Variants in GLI3 observed in about 807,000 individuals in gnomAD.
GLI3 encodes transcription activator GLI3.
GLI3 carries 20 observed loss-of-function variants against 100.8 expected under a neutral mutation model. That is an observed-to-expected ratio of 0.20 (90% CI 0.14 to 0.29). GLI3 has a LOEUF of 0.29. Ranked by LOEUF, GLI3 falls within the 10% of genes least tolerant of loss-of-function variation. GLI3 has a pLI of 1.00. For synonymous variants in GLI3, 938 were observed against 860.5 expected, an observed-to-expected ratio of 1.09 and a Z score of -1.58; for missense variants, 2,040 against 2,128.5, an observed-to-expected ratio of 0.96 and a Z score of 0.82.
intron 13 of GLI3, among the ~76,000 whole-genome samples, chr7:41,970,750 A>C (rs1787342223): frequency 6.6e-6 from 1 of 152,208 alleles, no homozygotes; most frequent in South Asian, 2.1e-4. Context: ...GGGTTCTTGG[A>C]ATATCCCAAG....
intron 7 of GLI3, among the ~76,000 whole-genome samples, chr7:42,037,721 T>C (rs1164688196): frequency 6.6e-6 from 1 of 152,210 alleles, no homozygotes; most frequent in African/African-American, 2.4e-5. Context: ...GACTGGTCTT[T>C]AAGTGAATCT....
At chr7:42,164,283 G>A (rs1328030662) in intron 2 of GLI3, among the ~76,000 whole-genome samples, 3 of 152,192 alleles carry the variant, frequency 2.0e-5, no homozygotes, top group Non-Finnish European at 2.9e-5. Context: ...CACTTTGGGA[G>A]GCTGGAGTGG....
upstream of GLI3, among the ~76,000 whole-genome samples, chr7:42,264,120 A>G (rs1789174368): frequency 6.6e-6 from 1 of 152,176 alleles, no homozygotes; most frequent in East Asian, 1.9e-4. Context: ...AATGTCCAAA[A>G]GCACGAAGGG....
At chr7:42,089,983 T>C (rs1198881284) in intron 3 of GLI3, among the ~76,000 whole-genome samples, 5 of 152,222 alleles carry the variant, frequency 3.3e-5, no homozygotes, top group Non-Finnish European at 5.9e-5. Context: ...ACGCCCATGC[T>C]GTATGGTATA....
In GLI3 at chr7:42,029,131, G is replaced by A. The variant is rs117652764; in HGVS notation, c.1029-2719C>T. Among the ~76,000 whole-genome samples, 934 of 152,214 alleles carry A rather than the reference G, an allele frequency of 6.1e-3. 3 individuals are homozygous for A. The highest frequency in any genetic ancestry group is 0.01 in the Middle Eastern group (3 of 294). ...CAACAGAAACATTCTCCTCCTCCTC[G>A]TGCACAGACCTGGGCCAGGGCAGGG... On this transcript the variant is annotated intron_variant, in intron 7 of 14. Coordinates refer to ENST00000395925, the MANE Select transcript of GLI3 (RefSeq NM_000168.6).
chr7:42,095,120 G>A (rs919084739), intron 3 of GLI3, among the ~76,000 whole-genome samples: 3 of 152,200 alleles, frequency 2.0e-5, no homozygotes, highest in Non-Finnish European at 4.4e-5. Flanking sequence ...GCAGCTCAGT[G>A]TTGCTTTCCA....
intron 5 of GLI3, among the ~76,000 whole-genome samples, chr7:42,047,788 C>T (rs983830563): frequency 6.6e-6 from 1 of 152,154 alleles, no homozygotes. Flanking sequence ...GTACATACTT[C>T]TTCGGATTTT....
At chr7:42,052,077 T>G (rs1407891293) in intron 4 of GLI3, among the ~76,000 whole-genome samples, 2 of 152,228 alleles carry the variant, frequency 1.3e-5, no homozygotes, top group Admixed American at 1.3e-4. Flanking sequence ...TCAGGCAGTA[T>G]GTAGACTTTC....
chr7:42,079,027 C>T lies in GLI3; in HGVS notation c.368-2170G>A, dbSNP rs531211505. ...TACAGGCGTCAGCCACCGCGCCCGG[C>T]CTCATTTATCACACTTTACACATTT... On this transcript the variant is annotated intron_variant, in intron 3 of 14. Coordinates refer to ENST00000395925, the MANE Select transcript of GLI3 (RefSeq NM_000168.6). 4.5e-4 allele frequency among the ~76,000 whole-genome samples: 69 copies of T among 152,252 alleles called. No homozygotes were observed. In the South Asian group the frequency reaches 0.014, roughly 31 times the overall value.
At chr7:42,238,299 T>C (rs1374218105), upstream of GLI3, among the ~76,000 whole-genome samples, 1 of 152,066 alleles carries the variant, frequency 6.6e-6, no homozygotes, top group Non-Finnish European at 1.5e-5. Flanking sequence ...TTCTCACTCT[T>C]GCTCAAGGGC....
chr7:41,979,964 C>A (rs906909744), intron 10 of GLI3, among the ~76,000 whole-genome samples: 1 of 152,120 alleles, frequency 6.6e-6, no homozygotes, highest in Non-Finnish European at 1.5e-5. Context: ...AGTTACTCCA[C>A]TAGATGGCCT....
At chr7:42,028,197 A>G (rs1789177091) in intron 7 of GLI3, among the ~76,000 whole-genome samples, 1 of 152,198 alleles carries the variant, frequency 6.6e-6, no homozygotes, top group Non-Finnish European at 1.5e-5. Context: ...AAAAACCAAA[A>G]TAACCCACTT....
intron 7 of GLI3, among the ~76,000 whole-genome samples, chr7:42,027,042 C>T (rs1263889227): frequency 2.0e-5 from 3 of 152,200 alleles, no homozygotes; most frequent in Non-Finnish European, 4.4e-5. Context: ...GAGGAATATT[C>T]CAGTGGGAGA....
At chr7:42,148,531 G>A in intron 2 of GLI3, 63 bp from the exon 3 acceptor site, 1 of 1,443,978 alleles carries the variant, frequency 6.9e-7, no homozygotes, top group South Asian at 1.1e-5. Context: ...AAAAAACCAT[G>A]ATCAATTAGG....
chr7:42,202,354 A>T (rs201793410), intron 2 of GLI3, among the ~76,000 whole-genome samples: 51,122 of 129,592 alleles, frequency 0.39, 9,563 homozygotes, highest in East Asian at 0.73. Context: ...TCTCACACAC[A>T]CACACACACA....
intron 3 of GLI3, among the ~76,000 whole-genome samples, chr7:42,086,895 T>C (rs978844346): frequency 6.6e-6 from 1 of 152,166 alleles, no homozygotes; most frequent in Non-Finnish European, 1.5e-5. Context: ...ATTTACTGAA[T>C]ACAGAGCTTA....
At chr7:42,130,452 CA>C (rs1786248483) in intron 3 of GLI3, among the ~76,000 whole-genome samples, 1 of 152,098 alleles carries the variant, frequency 6.6e-6, no homozygotes, top group South Asian at 2.1e-4. Flanking sequence ...AAGGCAAGAG[CA>C]AGATGTTAAG....
intron 3 of GLI3, among the ~76,000 whole-genome samples, chr7:42,117,917 A>G (rs1276136445): frequency 6.6e-6 from 1 of 152,192 alleles, no homozygotes; most frequent in East Asian, 1.9e-4. Context: ...CGCTGTCTCC[A>G]TGGAAGGACG....
At chr7:42,148,796 A>C (rs887227902) in intron 2 of GLI3, among the ~76,000 whole-genome samples, 2 of 152,154 alleles carry the variant, frequency 1.3e-5, no homozygotes, top group Non-Finnish European at 2.9e-5. Context: ...TGGGCTGGCC[A>C]ACATCTTGCA....
Sources: gnomAD v4.1 joint callset for allele counts (sites outside exome capture counted in the v4.1 genomes callset) on GRCh38, gnomAD v4.1.1 for gene constraint, MANE v1.5 for transcripts, NCBI Gene and HGNC (gene_info 2026-07-23, HGNC 2026-07-21) for gene names.